The following SORT1 variants were observed in gnomAD, a reference collection of about 807,000 sequenced individuals.
SORT1 encodes sortilin 1, also known as sortilin.
SORT1 carries 39 observed loss-of-function variants against 101.7 expected under a neutral mutation model. The ratio of observed to expected loss-of-function variants is 0.38; its 90% CI spans 0.30 to 0.50. The LOEUF is 0.50. SORT1 is among the 20% of genes least tolerant of loss of function. SORT1 has a pLI of 0.90. For synonymous variants in SORT1, 396 were observed against 393.7 expected, an observed-to-expected ratio of 1.01 and a Z score of -0.07; for missense variants, 878 against 1,040.4, an observed-to-expected ratio of 0.84 and a Z score of 2.15.
At chr1:109,316,804 C>G in intron 17 of SORT1, 46 bp downstream of exon 17, 1 of 1,230,106 alleles carries the variant, frequency 8.1e-7, no homozygotes, top group East Asian at 2.4e-5. Flanking sequence ...CTTAGCAGAA[C>G]ACAAAATCCC....
intron 1 of SORT1, among the ~76,000 whole-genome samples, chr1:109,388,971 A>G (rs1292595434): frequency 6.6e-6 from 1 of 152,214 alleles, no homozygotes; most frequent in Non-Finnish European, 1.5e-5. Context: ...CACGTCTTAC[A>G]TTTCTGCCAA....
chr1:109,357,533 G>A (rs1210979690), intron 3 of SORT1, among the ~76,000 whole-genome samples: 1 of 152,188 alleles, frequency 6.6e-6, no homozygotes, highest in African/African-American at 2.4e-5. Context: ...CCAATTCTCT[G>A]AACCTTTAGC....
In SORT1 at chr1:109,365,980, G is replaced by T. The variant is rs549178163; in HGVS notation, c.440+1428C>A. ...GAACAGCAGTCAAATAAAGAACCTTGAGAAAGTACCATTACTCCTGGGAGA... is the reference window on the plus strand; with the variant it reads ...GAACAGCAGTCAAATAAAGAACCTTTAGAAAGTACCATTACTCCTGGGAGA... On this transcript the variant is annotated intron_variant, in intron 3 of 19. Coordinates refer to ENST00000256637, the MANE Select transcript of SORT1 (RefSeq NM_002959.7). Among the ~76,000 whole-genome samples the T allele has an allele frequency of 4.1e-4, 62 of 152,292 alleles. No homozygotes were observed. In the South Asian group the frequency reaches 0.013, roughly 31 times the overall value.
chr1:109,313,905 T>C lies in SORT1; in HGVS notation c.*138A>G. The C allele has an allele frequency of 1.6e-6, 1 of 629,900 alleles. No individual in the cohort carries two copies. Among genetic ancestry groups the C allele is most frequent in the South Asian group, 2.0e-5 (1 of 50,430 alleles). The allele number at this position is 629,900 out of a possible 1,614,324, so 39.0% of individuals were successfully genotyped here. On this transcript the variant is annotated 3_prime_UTR_variant, in exon 20 of 20. Transcript: ENST00000256637. ...CCCTGCATTTCTTTAGTGTAGGTCC[T>C]TTTGGCTTTGATGGAAGCAGCAGAA...
chr1:109,317,011 C>T, intron 16 of SORT1, 53 bp from the exon 17 acceptor site: 1 of 1,135,022 alleles, frequency 8.8e-7, no homozygotes, highest in Non-Finnish European at 1.3e-6. Context: ...TTCCTGGGTA[C>T]CTGCCTATTT....
intron 8 of SORT1, among the ~76,000 whole-genome samples, chr1:109,345,243 G>A (rs951585319): frequency 6.6e-6 from 1 of 152,152 alleles, no homozygotes; most frequent in African/African-American, 2.4e-5. Flanking sequence ...GGCCGGGCGC[G>A]GTGGCTCACG....
chr1:109,365,984 A>C lies in SORT1; in HGVS notation c.440+1424T>G, dbSNP rs142144644. 1.4e-4 allele frequency among the ~76,000 whole-genome samples: 22 copies of C among 152,314 alleles called. No individual in the cohort carries two copies. The East Asian group carries it at 4.1e-3, about 28-fold the overall frequency. The stretch of plus-strand genomic sequence containing the variant: ...AGCAGTCAAATAAAGAACCTTGAGA[A>C]AGTACCATTACTCCTGGGAGATACC... On this transcript the variant is annotated intron_variant, in intron 3 of 19. Coordinates refer to ENST00000256637, the MANE Select transcript of SORT1 (RefSeq NM_002959.7).
At chr1:109,351,761 G>A (rs951741134) in intron 5 of SORT1, among the ~76,000 whole-genome samples, 23 of 152,174 alleles carry the variant, frequency 1.5e-4, no homozygotes, top group Admixed American at 1.4e-3. Flanking sequence ...TTTCTTAGGT[G>A]GAGTACTTGG....
chr1:109,384,670 G>A (rs999353262), intron 1 of SORT1, among the ~76,000 whole-genome samples: 1 of 152,200 alleles, frequency 6.6e-6, no homozygotes, highest in Non-Finnish European at 1.5e-5. Context: ...ATAAAGAAAA[G>A]ACGTTTATGT....
chr1:109,318,463 T>C (rs1251371210), intron 15 of SORT1, among the ~76,000 whole-genome samples: 4 of 152,092 alleles, frequency 2.6e-5, no homozygotes, highest in Admixed American at 2.6e-4. Context: ...GAGGGCCTTA[T>C]TAAGGAAAAG....
At chr1:109,369,444 G>C (rs1370437383) in intron 2 of SORT1, 86 bp downstream of exon 2, 1 of 834,662 alleles carries the variant, frequency 1.2e-6, no homozygotes, top group Non-Finnish European at 2.1e-6. Flanking sequence ...GTTTCAGGAA[G>C]AAATGATATT....
At position 109,313,874 on chromosome 1, in the gene SORT1, C is replaced by A; in HGVS notation, c.*169G>T. On this transcript the variant is annotated 3_prime_UTR_variant, in exon 20 of 20. Transcript: ENST00000256637. ...GTAAAAAAGTGCTCAGGGTTCCCCA[C>A]CCCCACCCTGCATTTCTTTAGTGTA... The A allele has an allele frequency of 5.7e-6, 3 of 527,908 alleles. No individual in the cohort carries two copies. The highest frequency in any genetic ancestry group is 2.0e-5 in the African/African-American group (1 of 51,100). The allele number at this position is 527,908 out of a possible 1,614,324, so 32.7% of individuals were successfully genotyped here.
chr1:109,351,312 G>T (rs1570937328), intron 5 of SORT1, among the ~76,000 whole-genome samples: 1 of 152,164 alleles, frequency 6.6e-6, no homozygotes, highest in Non-Finnish European at 1.5e-5. Context: ...GTTTAACAAG[G>T]CGCATAGATA....
At chr1:109,345,699 G>C in intron 8 of SORT1, 52 bp downstream of exon 8, 2 of 1,518,152 alleles carry the variant, frequency 1.3e-6, no homozygotes, top group African/African-American at 1.4e-5. Context: ...GAATCTATAC[G>C]AGAGATATTT....
chr1:109,384,816 C>T (rs918294006), intron 1 of SORT1, among the ~76,000 whole-genome samples: 2 of 152,138 alleles, frequency 1.3e-5, no homozygotes, highest in Non-Finnish European at 2.9e-5. Flanking sequence ...TGGTAGCTCA[C>T]GCCTGTAATT....
intron 9 of SORT1, 32 bp downstream of exon 9, chr1:109,341,982 C>G (rs774005937): frequency 1.9e-6 from 3 of 1,603,612 alleles, no homozygotes; most frequent in Non-Finnish European, 2.6e-6. Flanking sequence ...CATCTCTATG[C>G]TTTTAAGGGT....
At chr1:109,383,571 G>A (rs1486957566) in intron 1 of SORT1, among the ~76,000 whole-genome samples, 1 of 152,204 alleles carries the variant, frequency 6.6e-6, no homozygotes, top group Non-Finnish European at 1.5e-5. Context: ...CATTTCCTCA[G>A]GGGTAAAACT....
At position 109,397,907 on chromosome 1, in the gene SORT1, G is replaced by A. The variant is rs1557834202; in HGVS notation, c.-15C>T. 2.6e-6 allele frequency: 3 copies of A among 1,145,430 alleles called. No homozygotes were observed. Among genetic ancestry groups the A allele is most frequent in the South Asian group, 8.1e-5 (2 of 24,622 alleles). 71.0% of individuals were successfully genotyped at this position (1,145,430 alleles called of 1,614,324 possible). On this transcript the variant is annotated 5_prime_UTR_variant, in exon 1 of 20. Coordinates refer to ENST00000256637, the MANE Select transcript of SORT1 (RefSeq NM_002959.7). ...GGCCGCTCCATCGCCGCCGAATGCC[G>A]CCGACGCCGACACCTGCCGCCCGGC...
At chr1:109,352,639 A>G (rs1207654834) in intron 5 of SORT1, among the ~76,000 whole-genome samples, 1 of 152,182 alleles carries the variant, frequency 6.6e-6, no homozygotes, top group African/African-American at 2.4e-5. Context: ...TCCCCTGGTA[A>G]TACTCACATC....
Sources: allele counts gnomAD v4.1 joint callset (sites outside exome capture counted in the v4.1 genomes callset), GRCh38; gene constraint gnomAD v4.1.1; transcripts MANE v1.5; gene names NCBI Gene and HGNC (gene_info 2026-07-23, HGNC 2026-07-21).